The following EYS variants were observed in gnomAD, a reference collection of about 807,000 sequenced individuals.
EYS encodes protein eyes shut homolog.
Under a neutral mutation model 282.1 loss-of-function variants are expected in EYS, and 250 were observed. The ratio of observed to expected loss-of-function variants is 0.89; its 90% CI spans 0.80 to 0.98. The LOEUF is 0.98. EYS is among the 50% of genes least tolerant of loss of function. The probability of loss-of-function intolerance (pLI) is 0.00; values close to 1 mark genes in which losing one functional copy is unlikely to be tolerated. For synonymous variants in EYS, 1,355 were observed against 1,282.9 expected (o/e 1.06, Z -1.20); for missense variants, 4,016 against 3,709.0 (o/e 1.08, Z -2.15).
chr6:64,775,204 A>AGT (rs1583143897), intron 22 of EYS, among the ~76,000 whole-genome samples: 1 of 151,968 alleles, frequency 6.6e-6, no homozygotes, highest in African/African-American at 2.4e-5. Context: ...AAACAAAACA[A>AGT]GTGTGGTCTG....
intron 26 of EYS, among the ~76,000 whole-genome samples, chr6:64,455,962 T>C (rs1249177126): frequency 1.3e-5 from 2 of 152,184 alleles, no homozygotes; most frequent in Non-Finnish European, 1.5e-5. Flanking sequence ...CCCAGGAATA[T>C]ATCAACTGTT....
In EYS at chr6:64,106,450, G is replaced by T. The variant is rs137986910; in HGVS notation, c.6425-24448C>A. Among the ~76,000 whole-genome samples the T allele has an allele frequency of 5.0e-3, 762 of 151,858 alleles. 4 individuals are homozygous for T. The highest frequency in any genetic ancestry group is 0.018 in the African/African-American group (729 of 41,460). On this transcript the variant is annotated intron_variant, in intron 31 of 42. Transcript: ENST00000503581. ...AAATTATAGGTAGTGTTTTTTTTCT[G>T]AACACTTTAAATATTTCATTCCTTT... is the stretch of plus-strand genomic sequence containing the variant.
chr6:64,290,129 A>T (rs1056612019), intron 30 of EYS, among the ~76,000 whole-genome samples: 4 of 152,144 alleles, frequency 2.6e-5, no homozygotes, highest in African/African-American at 9.6e-5. Flanking sequence ...GCAGCCATAT[A>T]GCACTAAATG....
intron 7 of EYS, among the ~76,000 whole-genome samples, chr6:65,397,443 G>A (rs1307443418): frequency 3.3e-5 from 5 of 151,824 alleles, no homozygotes; most frequent in African/African-American, 1.2e-4. Flanking sequence ...CCATTGTCTA[G>A]TTTCCACTTA....
intron 19 of EYS, among the ~76,000 whole-genome samples, chr6:64,882,855 T>C (rs1454861527): frequency 6.6e-6 from 1 of 151,446 alleles, no homozygotes; most frequent in Non-Finnish European, 1.5e-5. Context: ...AGCAAGTAGA[T>C]TTGGGGAGTC....
chr6:64,517,359 T>C (rs1777590574), intron 26 of EYS, among the ~76,000 whole-genome samples: 1 of 151,738 alleles, frequency 6.6e-6, no homozygotes, highest in Non-Finnish European at 1.5e-5. Context: ...TTGGGAAGAT[T>C]TTGGTAAATA....
chr6:64,083,056 G>A (rs1772027609), intron 31 of EYS, among the ~76,000 whole-genome samples: 1 of 151,946 alleles, frequency 6.6e-6, no homozygotes, highest in Non-Finnish European at 1.5e-5. Flanking sequence ...CTACAGGTGT[G>A]TGCCAACACG....
Position 64,591,834 on chromosome 6 carries a change from C to T in EYS, c.4033G>A (p.Val1345Ile). 1 of 1,551,276 alleles carries T rather than the reference C, an allele frequency of 6.4e-7. No homozygotes were observed. Among genetic ancestry groups the T allele is most frequent in the Non-Finnish European group, 8.7e-7 (1 of 1,146,716 alleles). ...AAATTCAGGAATCGAGAAGAGGAAACATCTGCGGAAGAAAGAAGACTGTGT... is the reference window on the plus strand; with the variant it reads ...AAATTCAGGAATCGAGAAGAGGAAATATCTGCGGAAGAAAGAAGACTGTGT... ...AKHSLLSSAD[V>I]SSSRFLNFGI... The change falls in exon 26 of 43, where the codon GTT (valine) becomes ATT (isoleucine). Residue 1345 changes from valine (V) to isoleucine (I), a missense_variant. By Grantham distance (29) the Val-to-Ile change is conservative. Coordinates refer to ENST00000503581, the MANE Select transcript of EYS (RefSeq NM_001142800.2).
chr6:65,336,463 A>G (rs538319987), intron 10 of EYS, among the ~76,000 whole-genome samples: 5 of 151,692 alleles, frequency 3.3e-5, no homozygotes, highest in Non-Finnish European at 7.4e-5. Flanking sequence ...ATGTATATAT[A>G]TGTATTGAAT....
intron 16 of EYS, 32 bp downstream of exon 16, chr6:64,912,452 T>C (rs1768028902): frequency 6.5e-7 from 1 of 1,538,748 alleles, no homozygotes; most frequent in Non-Finnish European, 8.8e-7. Context: ...AAGTAATTAT[T>C]TAAAAACAAT....
intron 12 of EYS, among the ~76,000 whole-genome samples, chr6:65,232,339 G>A (rs563351901): frequency 2.0e-5 from 3 of 151,930 alleles, no homozygotes; most frequent in South Asian, 4.2e-4. Flanking sequence ...TGGTACTTTC[G>A]GAGAACAAAT....
intron 41 of EYS, among the ~76,000 whole-genome samples, chr6:63,760,662 A>G (rs963793757): frequency 2.8e-5 from 4 of 142,740 alleles, no homozygotes; most frequent in East Asian, 2.3e-4. Context: ...CTATCTATCT[A>G]TCTATCTATC....
chr6:63,937,583 G>A (rs371866497), intron 35 of EYS, among the ~76,000 whole-genome samples: 25 of 151,136 alleles, frequency 1.7e-4, no homozygotes, highest in African/African-American at 5.8e-4. Flanking sequence ...GGGTTTCACT[G>A]TGTTAGCCAG....
At chr6:64,067,086 A>G (rs1771399150) in intron 32 of EYS, among the ~76,000 whole-genome samples, 2 of 152,100 alleles carry the variant, frequency 1.3e-5, no homozygotes, top group Non-Finnish European at 2.9e-5. Flanking sequence ...ATCTCCCCAC[A>G]TACAAATATT....
At chr6:64,034,472 A>G (rs1770015764) in intron 33 of EYS, among the ~76,000 whole-genome samples, 3 of 152,212 alleles carry the variant, frequency 2.0e-5, no homozygotes, top group Non-Finnish European at 4.4e-5. Flanking sequence ...TGGGGCCCCA[A>G]GCAGCCTGGC....
At chr6:65,037,418 C>G (rs571752659) in intron 13 of EYS, among the ~76,000 whole-genome samples, 1 of 151,674 alleles carries the variant, frequency 6.6e-6, no homozygotes. Context: ...CCATGACACA[C>G]AATTTTCGCA....
intron 26 of EYS, among the ~76,000 whole-genome samples, chr6:64,455,040 T>C (rs1339749081): frequency 2.0e-5 from 3 of 152,172 alleles, no homozygotes; most frequent in African/African-American, 4.8e-5. Context: ...TTCATTTACA[T>C]ATTGAGCAAC....
At chr6:64,793,878 A>G (rs1463627506) in intron 22 of EYS, among the ~76,000 whole-genome samples, 1 of 152,168 alleles carries the variant, frequency 6.6e-6, no homozygotes, top group Admixed American at 6.6e-5. Context: ...CATACAGCCC[A>G]GCATTTTAAA....
In EYS at chr6:64,574,302, C is replaced by A. The variant is rs777335887; in HGVS notation, c.5644+15921G>T. ...TGGGTGGGGGCAAGGGGAGGGATAT[C>A]ATTAGGAGAAATACCTAATGTAGAT... On this transcript the variant is annotated intron_variant, in intron 26 of 42. Transcript: ENST00000503581. Among the ~76,000 whole-genome samples, 15 of 152,178 alleles carry A rather than the reference C, an allele frequency of 9.9e-5. No individual in the cohort carries two copies. The South Asian group carries it at 1.2e-3, about 13-fold the overall frequency.
Sources: gnomAD v4.1 joint callset for allele counts (sites outside exome capture counted in the v4.1 genomes callset) on GRCh38, gnomAD v4.1.1 for gene constraint, MANE v1.5 for transcripts, NCBI Gene and HGNC (gene_info 2026-07-23, HGNC 2026-07-21) for gene names.